SDK1: variants seen among roughly 807,000 people sequenced by gnomAD.
SDK1 encodes sidekick cell adhesion molecule 1.
A neutral mutation model predicts 245.5 loss-of-function variants in SDK1; 157 were observed. That is an observed-to-expected ratio of 0.64 (90% CI 0.56 to 0.73). The LOEUF is 0.73. Ranked by LOEUF, SDK1 falls within the 30% of genes least tolerant of loss-of-function variation. The pLI, the probability that SDK1 is intolerant of heterozygous loss-of-function variation, is 0.00. For synonymous variants in SDK1, 1,647 were observed against 1,278.5 expected (o/e 1.29, Z -6.15); for missense variants, 3,583 against 3,002.3 (o/e 1.19, Z -4.52).
At chr7:3,777,264 T>C (rs569083186) in intron 4 of SDK1, among the ~76,000 whole-genome samples, 1 of 152,318 alleles carries the variant, frequency 6.6e-6, no homozygotes, top group South Asian at 2.1e-4. Flanking sequence ...GTTCCAGCCT[T>C]GATATTCAGA....
At chr7:3,553,927 G>C (rs989454578) in intron 1 of SDK1, among the ~76,000 whole-genome samples, 2 of 152,150 alleles carry the variant, frequency 1.3e-5, no homozygotes, top group African/African-American at 4.8e-5. Flanking sequence ...GCCCCCATCA[G>C]AACCAGACAA....
intron 1 of SDK1, among the ~76,000 whole-genome samples, chr7:3,612,718 C>T (rs1012548598): frequency 6.6e-6 from 1 of 152,096 alleles, no homozygotes; most frequent in Non-Finnish European, 1.5e-5. Flanking sequence ...GATTAGTCGC[C>T]CTGGGAAATT....
intron 4 of SDK1, among the ~76,000 whole-genome samples, chr7:3,664,945 A>T (rs779879049): frequency 3.0e-4 from 46 of 152,164 alleles, no homozygotes; most frequent in Admixed American, 1.2e-3. Flanking sequence ...CATTTTCCAG[A>T]GGAACAGATG....
chr7:4,063,340 T>G (rs1779659298), intron 19 of SDK1, among the ~76,000 whole-genome samples: 1 of 152,120 alleles, frequency 6.6e-6, no homozygotes, highest in Admixed American at 6.5e-5. Flanking sequence ...AGAAGTTGAT[T>G]CCATTTACAA....
At chr7:3,632,183 T>G (rs879081566) in intron 2 of SDK1, among the ~76,000 whole-genome samples, 2 of 152,202 alleles carry the variant, frequency 1.3e-5, no homozygotes, top group African/African-American at 2.4e-5. Flanking sequence ...CAATTAATGC[T>G]CACAGTAGAT....
chr7:3,480,119 A>G (rs1378866259), intron 1 of SDK1, among the ~76,000 whole-genome samples: 1 of 152,222 alleles, frequency 6.6e-6, no homozygotes, highest in East Asian at 1.9e-4. Flanking sequence ...TTTCGTTTTC[A>G]AATACAGAGC....
Position 3,319,878 on chromosome 7 carries a change from C to CTTTTTTTTTTTTTTTTT in SDK1, c.298+17995_298+18011dup, listed in dbSNP as rs57770805. On this transcript the variant is annotated intron_variant, in intron 1 of 44. Coordinates refer to ENST00000404826, the MANE Select transcript of SDK1 (RefSeq NM_152744.4). ...TGCCTATATCTAACCCATTCTTAGT[C>CTTTTTTTTTTTTTTTTT]TTTTTTTTTTTTTTTTTGCATTTGC... Among the ~76,000 whole-genome samples the CTTTTTTTTTTTTTTTTT allele has an allele frequency of 1.9e-3, 171 of 88,024 alleles. 9 individuals carry two copies. The highest frequency in any genetic ancestry group is 2.6e-3 in the African/African-American group (57 of 21,708). 57.7% of individuals were successfully genotyped at this position (88,024 alleles called of 152,430 possible). A position where few individuals can be genotyped will look rare whatever the true frequency, so the allele number is the denominator to read the frequency against.
chr7:3,998,344 A>G (rs771459736), intron 14 of SDK1, among the ~76,000 whole-genome samples: 15 of 152,272 alleles, frequency 9.9e-5, no homozygotes, highest in Non-Finnish European at 1.5e-4. Flanking sequence ...TGCTGTCATC[A>G]AAAGGAACAT....
intron 2 of SDK1, among the ~76,000 whole-genome samples, chr7:3,633,620 AAAG>A: frequency 6.6e-6 from 1 of 152,304 alleles, no homozygotes; most frequent in South Asian, 2.1e-4. Flanking sequence ...TTTCATAAAA[AAAG>A]AAATGATTCT....
chr7:3,843,069 G>A (rs541153897), intron 5 of SDK1, among the ~76,000 whole-genome samples: 11 of 152,218 alleles, frequency 7.2e-5, no homozygotes, highest in Admixed American at 3.9e-4. Flanking sequence ...GCCTGTGGCC[G>A]CTTAGCATTA....
rs191017275 is a variant in SDK1 at position 3,851,325 on chromosome 7, A to G, written c.847+29742A>G. On this transcript the variant is annotated intron_variant, in intron 5 of 44. Transcript: ENST00000404826. ...AACATTTTAATGAAGGAATTATTCT[A>G]TTTTCATATTTCTTAGAAACTAATA... is the stretch of plus-strand genomic sequence containing the variant. 2.5e-3 allele frequency among the ~76,000 whole-genome samples: 375 copies of G among 152,222 alleles called. 5 individuals carry two copies. In the South Asian group the frequency reaches 0.031, roughly 13 times the overall value.
intron 1 of SDK1, among the ~76,000 whole-genome samples, chr7:3,477,424 G>T (rs553946178): frequency 1.3e-5 from 2 of 151,386 alleles, no homozygotes; most frequent in Non-Finnish European, 1.5e-5. Flanking sequence ...TTGAACTCCC[G>T]ACCTCAGGTG....
At chr7:4,193,284 A>C (rs1367150339) in intron 35 of SDK1, among the ~76,000 whole-genome samples, 1 of 135,520 alleles carries the variant, frequency 7.4e-6, no homozygotes, top group Non-Finnish European at 1.5e-5. Flanking sequence ...TATAAAATAC[A>C]TATAAAATTA....
Position 3,906,847 on chromosome 7 carries a change from C to T in SDK1, c.848-44076C>T, listed in dbSNP as rs151075354. On this transcript the variant is annotated intron_variant, in intron 5 of 44. Coordinates refer to ENST00000404826, the MANE Select transcript of SDK1 (RefSeq NM_152744.4). The stretch of plus-strand genomic sequence containing the variant: ...GTTTCACCATGTTGCCTAGGCTGGT[C>T]GCAAACTCCTGAGCTCAGGCAATCC... Among the ~76,000 whole-genome samples, 1,009 of 152,122 alleles carry T rather than the reference C, an allele frequency of 6.6e-3. 15 individuals are homozygous for T. Among genetic ancestry groups the T allele is most frequent in the African/African-American group, 0.022 (931 of 41,534 alleles).
At chr7:4,204,236 A>G (rs1253194201) in intron 35 of SDK1, among the ~76,000 whole-genome samples, 2 of 152,202 alleles carry the variant, frequency 1.3e-5, no homozygotes, top group Admixed American at 1.3e-4. Flanking sequence ...CATTAACTTT[A>G]TTTATGTTTT....
intron 9 of SDK1, among the ~76,000 whole-genome samples, chr7:3,966,589 T>C (rs1782101731): frequency 1.3e-5 from 2 of 152,154 alleles, no homozygotes; most frequent in South Asian, 2.1e-4. Flanking sequence ...TGGAGGTCTT[T>C]GAAACCTGGT....
Position 3,626,444 on chromosome 7 carries a change from A to G in SDK1, c.458+7205A>G, listed in dbSNP as rs565438583. 1.2e-3 allele frequency among the ~76,000 whole-genome samples: 188 copies of G among 152,346 alleles called. 1 individual carries two copies. Among genetic ancestry groups the G allele is most frequent in the Middle Eastern group, 3.4e-3 (1 of 294 alleles). On this transcript the variant is annotated intron_variant, in intron 2 of 44. Transcript: ENST00000404826. ...TCTTACTGGACCAAGTCTCAAGGCT[A>G]TAATTGGTATTTATGTTCTCCTGCC...
At chr7:3,688,590 G>A (rs139230320) in intron 4 of SDK1, among the ~76,000 whole-genome samples, 64 of 152,280 alleles carry the variant, frequency 4.2e-4, no homozygotes, top group African/African-American at 1.2e-3. Context: ...GACAAATTTC[G>A]TCTTTGTTTC....
intron 4 of SDK1, among the ~76,000 whole-genome samples, chr7:3,795,305 T>C (rs1778935444): frequency 6.6e-6 from 1 of 152,156 alleles, no homozygotes; most frequent in South Asian, 2.1e-4. Flanking sequence ...GTCTTGTAAA[T>C]TAATGCCACT....
Sources: gnomAD v4.1 joint callset for allele counts (sites outside exome capture counted in the v4.1 genomes callset) on GRCh38, gnomAD v4.1.1 for gene constraint, MANE v1.5 for transcripts, NCBI Gene and HGNC (gene_info 2026-07-23, HGNC 2026-07-21) for gene names.